AFAP1: variants seen among roughly 807,000 people sequenced by gnomAD.
AFAP1 encodes the protein actin filament-associated protein 1.
Under a neutral mutation model 93.9 loss-of-function variants are expected in AFAP1, and 75 were observed. The observed-to-expected ratio is 0.80, with a 90% CI of 0.66 to 0.97. AFAP1 has a LOEUF of 0.97. AFAP1 is among the 50% of genes least tolerant of loss of function. The probability of loss-of-function intolerance (pLI) is 0.00; values close to 1 mark genes in which losing one functional copy is unlikely to be tolerated. For missense variants in AFAP1, 1,201 were observed against 1,050.8 expected, an observed-to-expected ratio of 1.14 and a Z score of -1.98; for synonymous variants, 517 against 430.7, an observed-to-expected ratio of 1.20 and a Z score of -2.48.
At chr4:7,793,491 T>G (rs1186250396) in intron 11 of AFAP1, among the ~76,000 whole-genome samples, 190 bp downstream of exon 11, 1 of 152,202 alleles carries the variant, frequency 6.6e-6, no homozygotes, top group Non-Finnish European at 1.5e-5. Flanking sequence ...CACACGCTGC[T>G]CGAATAGAAA....
At chr4:7,783,461 T>C (rs1251495297) in intron 12 of AFAP1, among the ~76,000 whole-genome samples, 1 of 152,036 alleles carries the variant, frequency 6.6e-6, no homozygotes, top group Admixed American at 6.6e-5. Context: ...CTTTTAAGAA[T>C]CTAGAAATGA....
chr4:7,874,530 ATTTTTTTTTTTTTTTTTTTTTT>A (rs71175435), intron 1 of AFAP1, among the ~76,000 whole-genome samples: 1 of 51,498 alleles, frequency 1.9e-5, no homozygotes, highest in African/African-American at 1.1e-4. Context: ...TGCCCAGCTA[ATTTTTTTTTTTTTTTTTTTTTT>A]TTTTTTTTTT....
chr4:7,768,119 C>T (rs1190461525), intron 17 of AFAP1, among the ~76,000 whole-genome samples: 1 of 152,246 alleles, frequency 6.6e-6, no homozygotes, highest in East Asian at 1.9e-4. Flanking sequence ...ACCCACAGAG[C>T]CGGTACAGGA....
At chr4:7,799,886 C>T (rs1560166341) in intron 10 of AFAP1, among the ~76,000 whole-genome samples, 1 of 152,068 alleles carries the variant, frequency 6.6e-6, no homozygotes, top group South Asian at 2.1e-4. Flanking sequence ...AAGCGTGCAC[C>T]AAGCCCAGGG....
At chr4:7,899,547 G>A (rs551750817) in intron 1 of AFAP1, among the ~76,000 whole-genome samples, 21 of 152,232 alleles carry the variant, frequency 1.4e-4, no homozygotes, top group East Asian at 1.2e-3. Flanking sequence ...AAGAAGCTCC[G>A]CTTATATAAA....
intron 6 of AFAP1, among the ~76,000 whole-genome samples, chr4:7,833,452 C>T (rs895423370): frequency 2.0e-5 from 3 of 152,120 alleles, no homozygotes; most frequent in African/African-American, 7.2e-5. Flanking sequence ...CAATGTGATA[C>T]CACCTTACTC....
In AFAP1 at chr4:7,847,793, C is replaced by CGGT. The variant is rs1553845889; in HGVS notation, c.335-4444_335-4443insACC. ...AGGAAGGTTCTATTTCAGGGGTACT[C>CGGT]GGGGTGGGGCATTGATTAGATACCA... On this transcript the variant is annotated intron_variant, in intron 4 of 17. Transcript: ENST00000420658. 1.1e-4 allele frequency among the ~76,000 whole-genome samples: 11 copies of CGGT among 102,092 alleles called. 1 individual carries two copies. The highest frequency in any genetic ancestry group is 1.8e-4 in the Non-Finnish European group (8 of 45,428). The allele number at this position is 102,092 out of a possible 152,430, so 67.0% of individuals were successfully genotyped here. A position where few individuals can be genotyped will look rare whatever the true frequency, so the allele number is the denominator to read the frequency against.
intron 4 of AFAP1, among the ~76,000 whole-genome samples, 197 bp from the exon 5 acceptor site, chr4:7,843,547 G>A (rs1195932427): frequency 6.6e-6 from 1 of 152,182 alleles, no homozygotes; most frequent in Non-Finnish European, 1.5e-5. Flanking sequence ...GAAACTCAAT[G>A]ACAAGGTGAA....
At chr4:7,936,622 C>T (rs537449201) in intron 1 of AFAP1, among the ~76,000 whole-genome samples, 1 of 149,404 alleles carries the variant, frequency 6.7e-6, no homozygotes, top group African/African-American at 2.5e-5. Context: ...CACTCTGTCA[C>T]CCAGGCTGGA....
intron 1 of AFAP1, among the ~76,000 whole-genome samples, chr4:7,906,749 G>A (rs1048772514): frequency 6.6e-6 from 1 of 152,188 alleles, no homozygotes; most frequent in South Asian, 2.1e-4. Flanking sequence ...GGCCAGGCGC[G>A]GTGGCTCACG....
At chr4:7,778,207 A>T (rs937382949) in intron 14 of AFAP1, 3 of 161,262 alleles carry the variant, frequency 1.9e-5, no homozygotes, top group African/African-American at 7.2e-5. Flanking sequence ...CTATGCTTAC[A>T]AAGTGGCTGT....
intron 9 of AFAP1, among the ~76,000 whole-genome samples, chr4:7,808,373 CCCT>C (rs1476305358): frequency 2.0e-5 from 3 of 152,154 alleles, no homozygotes; most frequent in Non-Finnish European, 4.4e-5. Context: ...CTTGGGTTTT[CCCT>C]CCTATCGCCA....
intron 3 of AFAP1, among the ~76,000 whole-genome samples, chr4:7,863,497 A>T (rs1173064588): frequency 6.6e-6 from 1 of 152,222 alleles, no homozygotes; most frequent in Non-Finnish European, 1.5e-5. Flanking sequence ...GAATAGATGC[A>T]TATTTTAGCC....
intron 1 of AFAP1, among the ~76,000 whole-genome samples, chr4:7,892,411 A>C (rs948247205): frequency 1.3e-5 from 2 of 152,160 alleles, no homozygotes; most frequent in East Asian, 3.9e-4. Flanking sequence ...TTCCAGACTG[A>C]GAGAGCAGTT....
chr4:7,918,398 C>T (rs1485110933), intron 1 of AFAP1, among the ~76,000 whole-genome samples: 1 of 143,844 alleles, frequency 7.0e-6, no homozygotes, highest in Admixed American at 6.9e-5. Flanking sequence ...GGATGAGACA[C>T]TCGGCCCAGG....
chr4:7,931,199 G>A (rs1451853183), intron 1 of AFAP1, among the ~76,000 whole-genome samples: 1 of 152,124 alleles, frequency 6.6e-6, no homozygotes, highest in Non-Finnish European at 1.5e-5. Flanking sequence ...AAACATAAAC[G>A]CAGTAACCTC....
intron 9 of AFAP1, among the ~76,000 whole-genome samples, chr4:7,803,996 G>A (rs1719276910): frequency 6.6e-6 from 1 of 152,138 alleles, no homozygotes; most frequent in Admixed American, 6.5e-5. Flanking sequence ...GAGGCCCAAA[G>A]TTCCTATTTT....
intron 4 of AFAP1, among the ~76,000 whole-genome samples, chr4:7,844,484 G>A (rs893871590): frequency 6.6e-6 from 1 of 152,182 alleles, no homozygotes; most frequent in Admixed American, 6.5e-5. Flanking sequence ...AATACACTAG[G>A]TCAAATGCCC....
At chr4:7,870,425 C>T (rs548869024) in intron 2 of AFAP1, among the ~76,000 whole-genome samples, 7 of 152,188 alleles carry the variant, frequency 4.6e-5, no homozygotes, top group South Asian at 2.1e-4. Context: ...TTTTGGAGGC[C>T]GAGGCAGGCA....
Sources: gnomAD v4.1 joint callset for allele counts (sites outside exome capture counted in the v4.1 genomes callset) on GRCh38, gnomAD v4.1.1 for gene constraint, MANE v1.5 for transcripts, NCBI Gene and HGNC (gene_info 2026-07-23, HGNC 2026-07-21) for gene names.